CAMK1D: variants seen among roughly 807,000 people sequenced by gnomAD.
The protein encoded by CAMK1D is calcium/calmodulin-dependent protein kinase type 1D.
CAMK1D carries 9 observed loss-of-function variants against 47.7 expected under a neutral mutation model. That is an observed-to-expected ratio of 0.19 (90% CI 0.11 to 0.33). The LOEUF is 0.33. CAMK1D is among the 10% of genes least tolerant of loss of function. CAMK1D has a pLI of 1.00. For synonymous variants in CAMK1D, 184 were observed against 184.9 expected (o/e 0.99, Z 0.04); for missense variants, 291 against 488.7 (o/e 0.60, Z 3.81).
chr10:12,734,490 GTA>G (rs1167081784), intron 3 of CAMK1D, among the ~76,000 whole-genome samples: 15 of 125,942 alleles, frequency 1.2e-4, no homozygotes, highest in African/African-American at 4.1e-4. Flanking sequence ...ATACACATAT[GTA>G]TATATATACA....
intron 3 of CAMK1D, among the ~76,000 whole-genome samples, chr10:12,709,536 G>A (rs974844665): frequency 6.6e-6 from 1 of 152,162 alleles, no homozygotes; most frequent in Non-Finnish European, 1.5e-5. Flanking sequence ...ACAGCCCAAA[G>A]CTAAGAGTCT....
intron 1 of CAMK1D, among the ~76,000 whole-genome samples, chr10:12,430,735 GTGATGATGA>G (rs757039237): frequency 2.0e-5 from 3 of 151,560 alleles, no homozygotes; most frequent in African/African-American, 4.9e-5. Flanking sequence ...GTGCATACAT[GTGATGATGA>G]TGATGATGAT....
At chr10:12,436,478 C>G (rs1832637148) in intron 1 of CAMK1D, among the ~76,000 whole-genome samples, 1 of 152,216 alleles carries the variant, frequency 6.6e-6, no homozygotes, top group African/African-American at 2.4e-5. Context: ...TTGAGGCTTG[C>G]TGACTTTGTT....
chr10:12,503,126 A>G (rs1385874223), intron 1 of CAMK1D, among the ~76,000 whole-genome samples: 1 of 152,220 alleles, frequency 6.6e-6, no homozygotes, highest in Non-Finnish European at 1.5e-5. Flanking sequence ...GTGTACACAT[A>G]TACATGTGCA....
intron 1 of CAMK1D, among the ~76,000 whole-genome samples, chr10:12,536,352 C>T (rs1432230402): frequency 1.1e-4 from 16 of 152,138 alleles, no homozygotes; most frequent in Admixed American, 9.8e-4. Context: ...GATCTTGGCT[C>T]ACTGCAGCCT....
intron 3 of CAMK1D, among the ~76,000 whole-genome samples, chr10:12,726,534 TAA>T (rs1000185186): frequency 2.6e-5 from 4 of 152,168 alleles, no homozygotes; most frequent in Non-Finnish European, 4.4e-5. Context: ...GCAGGAGAAT[TAA>T]AAGAGACATG....
chr10:12,427,700 G>GTTTGTT, intron 1 of CAMK1D, among the ~76,000 whole-genome samples: 1 of 31,030 alleles, frequency 3.2e-5, no homozygotes, highest in Non-Finnish European at 6.2e-5. Flanking sequence ...TGAACTTACT[G>GTTTGTT]TTTTTTTTTT....
At chr10:12,686,293 ATGT>A (rs1832661843) in intron 3 of CAMK1D, among the ~76,000 whole-genome samples, 1 of 152,058 alleles carries the variant, frequency 6.6e-6, no homozygotes, top group Non-Finnish European at 1.5e-5. Flanking sequence ...ACCATGCATG[ATGT>A]TGTAGTAGTA....
intron 2 of CAMK1D, among the ~76,000 whole-genome samples, chr10:12,615,897 C>T (rs953520477): frequency 1.3e-5 from 2 of 149,682 alleles, no homozygotes; most frequent in African/African-American, 4.9e-5. Context: ...TAAGTGAGAG[C>T]ATGTGCTGGT....
intron 3 of CAMK1D, among the ~76,000 whole-genome samples, chr10:12,707,214 A>C (rs1833758840): frequency 1.3e-5 from 2 of 152,174 alleles, no homozygotes; most frequent in African/African-American, 2.4e-5. Context: ...ATTCAGAAAA[A>C]ATTAATTCCA....
At chr10:12,352,176 G>C (rs997415241) in intron 1 of CAMK1D, among the ~76,000 whole-genome samples, 13 of 152,174 alleles carry the variant, frequency 8.5e-5, no homozygotes, top group African/African-American at 2.9e-4. Context: ...TGGCGGAGCT[G>C]GTATTCACAG....
chr10:12,523,888 A>G (rs929123968), intron 1 of CAMK1D, among the ~76,000 whole-genome samples: 2 of 151,512 alleles, frequency 1.3e-5, no homozygotes, highest in African/African-American at 4.9e-5. Flanking sequence ...TTTTGTAGGG[A>G]TTATTTATTT....
At chr10:12,354,165 T>C (rs761754049) in intron 1 of CAMK1D, among the ~76,000 whole-genome samples, 15 of 152,256 alleles carry the variant, frequency 9.9e-5, no homozygotes, top group Middle Eastern at 3.4e-3. Context: ...TGGATCTTCA[T>C]CTCCGCGGGA....
chr10:12,826,709 T>G lies in CAMK1D; in HGVS notation c.1039+1019T>G, dbSNP rs373358114. ...GGATTCCCTTCCTCTCTAAGGAATC[T>G]TCCCATCTCATTTGGGACCATCCAG... On this transcript the variant is annotated intron_variant, in intron 10 of 10. Transcript: ENST00000619168. Among the ~76,000 whole-genome samples the G allele has an allele frequency of 5.1e-4, 77 of 152,338 alleles. 1 individual carries two copies. The highest frequency in any genetic ancestry group is 1.7e-3 in the African/African-American group (72 of 41,568).
intron 1 of CAMK1D, among the ~76,000 whole-genome samples, chr10:12,393,838 A>T (rs560684857): frequency 2.0e-5 from 3 of 152,216 alleles, no homozygotes; most frequent in African/African-American, 7.2e-5. Flanking sequence ...GTGAAGGAAA[A>T]TGGCAGCTTA....
At chr10:12,377,795 G>A (rs1451656240) in intron 1 of CAMK1D, among the ~76,000 whole-genome samples, 1 of 152,178 alleles carries the variant, frequency 6.6e-6, no homozygotes, top group Non-Finnish European at 1.5e-5. Flanking sequence ...CTGGCATGAT[G>A]TGCACAGTTG....
chr10:12,373,562 G>C (rs1403309491), intron 1 of CAMK1D, among the ~76,000 whole-genome samples: 1 of 151,754 alleles, frequency 6.6e-6, no homozygotes, highest in African/African-American at 2.4e-5. Flanking sequence ...AACCTGGGAG[G>C]TGGAGGTTGC....
intron 5 of CAMK1D, among the ~76,000 whole-genome samples, chr10:12,772,739 G>A (rs1160516878): frequency 6.6e-6 from 1 of 152,204 alleles, no homozygotes; most frequent in African/African-American, 2.4e-5. Flanking sequence ...ATACCAGGTT[G>A]TCCTGGAGGA....
Position 12,429,191 on chromosome 10 carries a change from G to A in CAMK1D, c.92+79281G>A, listed in dbSNP as rs1050112459. 2.0e-5 allele frequency among the ~76,000 whole-genome samples: 3 copies of A among 151,990 alleles called. No homozygotes were observed. In the South Asian group the frequency reaches 6.2e-4, roughly 32 times the overall value. On this transcript the variant is annotated intron_variant, in intron 1 of 10. Transcript: ENST00000619168. ...GCCCCCAAGCCCTCTCTGGTCTCAGGGCCTCACACACGTGCTTTCCTCTTT... is the reference window on the plus strand; with the variant it reads ...GCCCCCAAGCCCTCTCTGGTCTCAGAGCCTCACACACGTGCTTTCCTCTTT...
Sources: allele counts gnomAD v4.1 joint callset (sites outside exome capture counted in the v4.1 genomes callset), GRCh38; gene constraint gnomAD v4.1.1; transcripts MANE v1.5; gene names NCBI Gene and HGNC (gene_info 2026-07-23, HGNC 2026-07-21).